The following OPHN1 variants were observed in gnomAD, a reference collection of about 807,000 sequenced individuals.
OPHN1 encodes oligophrenin-1.
A neutral mutation model predicts 60.7 loss-of-function variants in OPHN1; 11 were observed. The ratio of observed to expected loss-of-function variants is 0.18; its 90% CI spans 0.11 to 0.30. OPHN1 has a LOEUF of 0.30. Ranked by LOEUF, OPHN1 falls within the 10% of genes least tolerant of loss-of-function variation. The probability of loss-of-function intolerance (pLI) is 1.00; values close to 1 mark genes in which losing one functional copy is unlikely to be tolerated. For synonymous variants in OPHN1, 226 were observed against 222.6 expected (o/e 1.02, Z -0.14); for missense variants, 449 against 611.0 (o/e 0.73, Z 2.80).
intron 19 of OPHN1, among the ~76,000 whole-genome samples, chrX:68,084,126 T>C (rs1031737527): frequency 1.8e-5 from 2 of 110,088 alleles, no homozygotes; most frequent in African/African-American, 6.6e-5. Context: ...AACATTCAAA[T>C]TGTTTTTAAA....
chrX:68,348,216 A>G (rs1687478028), intron 2 of OPHN1, among the ~76,000 whole-genome samples: 1 of 112,165 alleles, frequency 8.9e-6, no homozygotes, highest in African/African-American at 3.2e-5. Flanking sequence ...GATGGGTTCA[A>G]TCATGCAAAA....
chrX:68,139,348 C>T (rs1490021379), intron 15 of OPHN1, among the ~76,000 whole-genome samples: 1 of 111,566 alleles, frequency 9.0e-6, no homozygotes, highest in Admixed American at 9.5e-5. Context: ...TTAAAAGAGG[C>T]ACTATCTTTT....
chrX:68,051,219 G>A (rs1202658037), intron 23 of OPHN1, among the ~76,000 whole-genome samples: 2 of 110,523 alleles, frequency 1.8e-5, no homozygotes, highest in African/African-American at 6.6e-5. Flanking sequence ...TCACCTGTTA[G>A]GAGGAACAAT....
intron 19 of OPHN1, among the ~76,000 whole-genome samples, chrX:68,088,369 T>C (rs1274858769): frequency 9.0e-6 from 1 of 111,706 alleles, no homozygotes; most frequent in Non-Finnish European, 1.9e-5. Context: ...TCAGATCCTG[T>C]TAAGGACATC....
chrX:68,183,471 A>C (rs1240385754), intron 15 of OPHN1, among the ~76,000 whole-genome samples: 1 of 111,974 alleles, frequency 8.9e-6, no homozygotes, highest in Middle Eastern at 4.2e-3. Flanking sequence ...ACCCCTTTCT[A>C]CCAGGGAGAA....
At chrX:68,200,129 C>T (rs10218404) in intron 11 of OPHN1, among the ~76,000 whole-genome samples, 11,543 of 111,311 alleles carry the variant, frequency 0.1, 1,515 homozygotes, top group African/African-American at 0.36. Context: ...TCCTATGTGA[C>T]TTTAGTTGGG....
intron 13 of OPHN1, 95 bp from the exon 14 acceptor site, chrX:68,194,047 C>T: frequency 1.3e-6 from 1 of 761,325 alleles, no homozygotes; most frequent in Non-Finnish European, 2.0e-6. Flanking sequence ...ATTGAGAGAG[C>T]TAAGGGTTTT....
chrX:68,176,878 A>G (rs752115736), intron 15 of OPHN1, among the ~76,000 whole-genome samples: 1 of 110,227 alleles, frequency 9.1e-6, no homozygotes, highest in South Asian at 3.9e-4. Context: ...ATCCATGTTT[A>G]CAGCAGTATT....
At chrX:68,228,010 A>C (rs983794915) in intron 6 of OPHN1, among the ~76,000 whole-genome samples, 1 of 111,784 alleles carries the variant, frequency 8.9e-6, no homozygotes, top group African/African-American at 3.3e-5. Flanking sequence ...ATAGACTGCT[A>C]GCAAGACTAA....
At position 68,042,887 on chromosome X, in the gene OPHN1, G is replaced by C. The variant is rs1451632571; in HGVS notation, c.*4285C>G. On this transcript the variant is annotated 3_prime_UTR_variant, in exon 25 of 25. Transcript: ENST00000355520. ...CATTACTGGGTATATACCCAAATGA[G>C]TATAAATCATGCTGCTATAAAGACA... 74 of 30,004 alleles carry C rather than the reference G, an allele frequency of 2.5e-3. 1 individual carries two copies. Among genetic ancestry groups the C allele is most frequent in the African/African-American group, 9.3e-3 (66 of 7,059 alleles). The allele number at this position is 30,004 out of a possible 1,213,427, so 2.5% of individuals were successfully genotyped here.
intron 5 of OPHN1, among the ~76,000 whole-genome samples, chrX:68,247,000 T>C (rs2077809262): frequency 1.8e-5 from 2 of 111,663 alleles, no homozygotes; most frequent in African/African-American, 6.5e-5. Flanking sequence ...CTAAGTATAC[T>C]CACCTTGAGA....
chrX:68,271,346 C>T lies in OPHN1; in HGVS notation c.384+3392G>A, dbSNP rs62604360. On this transcript the variant is annotated intron_variant, in intron 5 of 24. Transcript: ENST00000355520. ...TTCGAGACCAGTCTGGGCAACATGG[C>T]GAAACCCTATCTCTACAGAAATTAC... 8.6e-3 allele frequency among the ~76,000 whole-genome samples: 890 copies of T among 103,871 alleles called. 8 individuals carry two copies. The highest frequency in any genetic ancestry group is 0.011 in the Non-Finnish European group (571 of 51,197). The allele number at this position is 103,871 out of a possible 115,157, so 90.2% of individuals were successfully genotyped here. A position where few individuals can be genotyped will look rare whatever the true frequency, so the allele number is the denominator to read the frequency against.
At chrX:68,230,366 A>G (rs1224661354) in intron 6 of OPHN1, among the ~76,000 whole-genome samples, 1 of 111,588 alleles carries the variant, frequency 9.0e-6, no homozygotes, top group Non-Finnish European at 1.9e-5. Context: ...TGATTCCTCA[A>G]GGATCTAGAA....
intron 2 of OPHN1, among the ~76,000 whole-genome samples, chrX:68,426,891 CAA>C (rs11349332): frequency 0.084 from 1,445 of 17,107 alleles, 42 homozygotes; most frequent in African/African-American, 0.1. Flanking sequence ...TTAAAACAAA[CAA>C]AAAAAAAAAA....
chrX:68,116,179 A>G (rs1400203150), intron 16 of OPHN1, among the ~76,000 whole-genome samples: 2 of 111,401 alleles, frequency 1.8e-5, no homozygotes, highest in East Asian at 5.7e-4. Flanking sequence ...GTTTCTTATT[A>G]GACCTAAAAG....
In OPHN1 at chrX:68,133,037, C is replaced by G. The variant is rs953622772; in HGVS notation, c.1277-13705G>C. ...GACGCAGACCCTACCGCCAACTCTGCAGCAGTCCGCCCCACTCGGCAGCAA... is the reference window on the plus strand; with the variant it reads ...GACGCAGACCCTACCGCCAACTCTGGAGCAGTCCGCCCCACTCGGCAGCAA... On this transcript the variant is annotated intron_variant, in intron 15 of 24. Coordinates refer to ENST00000355520, the MANE Select transcript of OPHN1 (RefSeq NM_002547.3). The G allele has an allele frequency of 2.3e-5, 11 of 487,767 alleles. No homozygotes were observed. In the Admixed American group the frequency reaches 2.7e-4, roughly 12 times the overall value. 40.2% of individuals were successfully genotyped at this position (487,767 alleles called of 1,213,427 possible).
chrX:68,067,288 A>G (rs1316463546), intron 20 of OPHN1, among the ~76,000 whole-genome samples: 1 of 111,418 alleles, frequency 9.0e-6, no homozygotes, highest in African/African-American at 3.3e-5. Context: ...GGAGTGAAAG[A>G]CCATGCTTTG....
intron 15 of OPHN1, among the ~76,000 whole-genome samples, chrX:68,181,893 C>T (rs1348296555): frequency 8.9e-6 from 1 of 112,264 alleles, no homozygotes; most frequent in Non-Finnish European, 1.9e-5. Flanking sequence ...TCACTTTCCA[C>T]TTACATCTAA....
chrX:68,254,632 G>A (rs1009733305), intron 5 of OPHN1, among the ~76,000 whole-genome samples: 3 of 111,226 alleles, frequency 2.7e-5, no homozygotes, highest in African/African-American at 9.8e-5. Flanking sequence ...CCACAACTCC[G>A]CTATTGCCAA....
Sources: allele counts gnomAD v4.1 joint callset (sites outside exome capture counted in the v4.1 genomes callset), GRCh38; gene constraint gnomAD v4.1.1; transcripts MANE v1.5; gene names NCBI Gene and HGNC (gene_info 2026-07-23, HGNC 2026-07-21).